Variants in NUDT6 observed in about 807,000 individuals in gnomAD.
NUDT6 encodes the protein nudix hydrolase 6.
A neutral mutation model predicts 36.8 loss-of-function variants in NUDT6; 24 were observed. The ratio of observed to expected loss-of-function variants is 0.65; its 90% CI spans 0.47 to 0.92. The LOEUF (loss-of-function observed/expected upper bound fraction) is 0.92, where lower values mean the gene tolerates loss of function less well. NUDT6 is among the 40% of genes least tolerant of loss of function. NUDT6 has a pLI of 0.00. For missense variants in NUDT6, 388 were observed against 392.8 expected (o/e 0.99, Z 0.10); for synonymous variants, 163 against 157.0 (o/e 1.04, Z -0.29).
At chr4:122,907,174 T>C (rs1163983144) in intron 3 of NUDT6, among the ~76,000 whole-genome samples, 1 of 152,134 alleles carries the variant, frequency 6.6e-6, no homozygotes, top group East Asian at 1.9e-4. Flanking sequence ...TCTGTCGCCC[T>C]GGCTGGAGGG....
At chr4:122,909,545 A>G (rs1727690865) in intron 3 of NUDT6, among the ~76,000 whole-genome samples, 1 of 152,200 alleles carries the variant, frequency 6.6e-6, no homozygotes, top group Admixed American at 6.5e-5. Context: ...AATGTGTGCT[A>G]TAACAGAGGA....
rs1727525768 is a variant in NUDT6, at chr4:122,901,631, A to G, written c.499-3953T>C. 2.0e-5 allele frequency among the ~76,000 whole-genome samples: 3 copies of G among 152,344 alleles called. No individual in the cohort carries two copies. In the South Asian group the frequency reaches 6.2e-4, roughly 32 times the overall value. On this transcript the variant is annotated intron_variant, in intron 3 of 4. Transcript: ENST00000304430. ...TGCATTTTTTAGAGATATTAACAGA[A>G]TGTAAGATACTTTCTCTGTTAAAGC... is the stretch of plus-strand genomic sequence containing the variant.
chr4:122,901,886 A>G (rs556396785), intron 3 of NUDT6, among the ~76,000 whole-genome samples: 1 of 152,290 alleles, frequency 6.6e-6, no homozygotes, highest in African/African-American at 2.4e-5. Flanking sequence ...AACCCTTAAA[A>G]GACTACTAAT....
rs1727756242 is a variant in NUDT6 at position 122,912,754 on chromosome 4, T to A, written c.443-131A>T. 8.0e-6 allele frequency: 5 copies of A among 625,218 alleles called. No homozygotes were observed. In the East Asian group the frequency reaches 1.4e-4, roughly 17 times the overall value. The allele number at this position is 625,218 out of a possible 1,614,324, so 38.7% of individuals were successfully genotyped here. On this transcript the variant is annotated intron_variant, in intron 2 of 4. Coordinates refer to ENST00000304430, the MANE Select transcript of NUDT6 (RefSeq NM_007083.5). ...AGCCTTGGTTCAAATACAGGTTGAG[T>A]ATTCCTTATCTAAAATGTTTCAGAG... is the stretch of plus-strand genomic sequence containing the variant.
At chr4:122,912,527 T>G (rs745682658) in intron 3 of NUDT6, 41 bp downstream of exon 3, 33 of 1,379,482 alleles carry the variant, frequency 2.4e-5, no homozygotes, top group South Asian at 2.0e-4. Flanking sequence ...TAGAAAGAAA[T>G]AAACATTTAG....
rs754288121 is a variant in NUDT6, at chr4:122,893,243, T to G, written c.554-18A>C. On this transcript the variant is annotated intron_variant, in intron 4 of 4. Transcript: ENST00000304430. ...TGTGTCTCCTACGTAAAAAAAGAGA[T>G]GTACAAATCAATAATAATTACACTT... The G allele has an allele frequency of 2.6e-6, 4 of 1,562,788 alleles. No individual in the cohort carries two copies. The East Asian group carries it at 9.0e-5, about 35-fold the overall frequency.
chr4:122,902,488 C>T (rs1262521142), intron 3 of NUDT6, among the ~76,000 whole-genome samples: 1 of 152,140 alleles, frequency 6.6e-6, no homozygotes, highest in African/African-American at 2.4e-5. Context: ...GTGCTTAGTG[C>T]ACCATGTATT....
chr4:122,917,086 T>C (rs181554053), intron 2 of NUDT6, among the ~76,000 whole-genome samples: 2 of 152,314 alleles, frequency 1.3e-5, no homozygotes, highest in African/African-American at 4.8e-5. Context: ...ATGCCTGTCA[T>C]TCACCTCACT....
chr4:122,915,491 A>AAAACAAAC (rs1727818349), intron 2 of NUDT6, among the ~76,000 whole-genome samples: 3 of 137,580 alleles, frequency 2.2e-5, no homozygotes, highest in Non-Finnish European at 3.2e-5. Context: ...AAAAAAAAAA[A>AAAACAAAC]AAAAAAACAA....
At chr4:122,912,727 G>C in intron 2 of NUDT6, 104 bp from the exon 3 acceptor site, 1 of 723,020 alleles carries the variant, frequency 1.4e-6, no homozygotes, top group Non-Finnish European at 2.4e-6. Flanking sequence ...ACCCATACTT[G>C]AAGCCTTGGT....
At chr4:122,897,501 G>A (rs549708129) in intron 4 of NUDT6, 123 bp downstream of exon 4, 161 of 720,498 alleles carry the variant, frequency 2.2e-4, no homozygotes, top group South Asian at 2.2e-3. Context: ...TTTCTGAAAT[G>A]TTCAGACTCA....
chr4:122,900,807 G>C (rs979289155), intron 3 of NUDT6, among the ~76,000 whole-genome samples: 2 of 152,090 alleles, frequency 1.3e-5, no homozygotes, highest in African/African-American at 4.8e-5. Flanking sequence ...CTACAGTTTA[G>C]TGCCAAATGT....
At position 122,901,193 on chromosome 4, in the gene NUDT6, T is replaced by G. The variant is rs542889187; in HGVS notation, c.499-3515A>C. Among the ~76,000 whole-genome samples, 12 of 152,276 alleles carry G rather than the reference T, an allele frequency of 7.9e-5. No homozygotes were observed. In the South Asian group the frequency reaches 2.1e-3, roughly 26 times the overall value. ...ATGACCCCTCCCTGCTTTGAGTTGG[T>G]GAGGTCTAGTTCCTTTAAGCATATC... is the stretch of plus-strand genomic sequence containing the variant. On this transcript the variant is annotated intron_variant, in intron 3 of 4. Coordinates refer to ENST00000304430, the MANE Select transcript of NUDT6 (RefSeq NM_007083.5).
intron 3 of NUDT6, among the ~76,000 whole-genome samples, chr4:122,909,932 C>G (rs1162686966): frequency 6.6e-6 from 1 of 152,180 alleles, no homozygotes; most frequent in African/African-American, 2.4e-5. Context: ...GGGATGACGC[C>G]TATTTATTTG....
chr4:122,912,797 TC>T (rs1727756939), intron 2 of NUDT6, among the ~76,000 whole-genome samples, 174 bp from the exon 3 acceptor site: 1 of 152,216 alleles, frequency 6.6e-6, no homozygotes, highest in Non-Finnish European at 1.5e-5. Flanking sequence ...GTTAGATTTT[TC>T]TGGATTTTGG....
At chr4:122,894,338 C>G (rs1727284004) in intron 4 of NUDT6, 1 of 152,316 alleles carries the variant, frequency 6.6e-6, no homozygotes. Flanking sequence ...TGCCTATATT[C>G]CCTGCACTTT....
chr4:122,914,812 A>T (rs1727797725), intron 2 of NUDT6, among the ~76,000 whole-genome samples: 1 of 152,294 alleles, frequency 6.6e-6, no homozygotes, highest in South Asian at 2.1e-4. Context: ...TAGCTTGAGG[A>T]TATCGTGGTG....
In NUDT6 at chr4:122,892,592, C is replaced by G; in HGVS notation, c.*236G>C. On this transcript the variant is annotated 3_prime_UTR_variant, in exon 5 of 5. Coordinates refer to ENST00000304430, the MANE Select transcript of NUDT6 (RefSeq NM_007083.5). The stretch of plus-strand genomic sequence containing the variant: ...ACAAAAGTTGTAAAATGTATATTCT[C>G]CCTTTTATATTGCATCTGCTGTTAC... The G allele has an allele frequency of 6.9e-7, 1 of 1,439,920 alleles. No homozygotes were observed. The highest frequency in any genetic ancestry group is 9.1e-7 in the Non-Finnish European group (1 of 1,101,798). The allele number at this position is 1,439,920 out of a possible 1,614,324, so 89.2% of individuals were successfully genotyped here.
Position 122,892,920 on chromosome 4 carries a change from C to T in NUDT6, c.859G>A (p.Glu287Lys), listed in dbSNP as rs1727227557. 1 of 1,613,852 alleles carries T rather than the reference C, an allele frequency of 6.2e-7. No homozygotes were observed. Among genetic ancestry groups the T allele is most frequent in the Non-Finnish European group, 8.5e-7 (1 of 1,179,886 alleles). ...CCTGTGTAAACTGCTGGAAGTTCTT[C>T]CACAGTCAGGTCAATTTTGTCAAAC... ...EGFDKIDLTV[E>K]ELPAVYTGLF... Residue 287 changes from glutamate to lysine, a missense_variant, in exon 5 of 5, where the codon GAA (glutamate) becomes AAA (lysine). Coordinates refer to ENST00000304430, the MANE Select transcript of NUDT6 (RefSeq NM_007083.5).
Sources: allele counts gnomAD v4.1 joint callset (sites outside exome capture counted in the v4.1 genomes callset), GRCh38; gene constraint gnomAD v4.1.1; transcripts MANE v1.5; gene names NCBI Gene and HGNC (gene_info 2026-07-23, HGNC 2026-07-21).